The following NPAS3 variants were observed in gnomAD, a reference collection of about 807,000 sequenced individuals.
NPAS3 encodes neuronal PAS domain-containing protein 3.
In NPAS3, 14 loss-of-function variants were observed where a neutral mutation model predicts 73.1. That is an observed-to-expected ratio of 0.19 (90% CI 0.13 to 0.30). The LOEUF is 0.30. Among genes scored for constraint, NPAS3 ranks in the 10% least tolerant of loss-of-function variants. NPAS3 has a pLI of 1.00. For synonymous variants in NPAS3, 620 were observed against 541.5 expected, an observed-to-expected ratio of 1.14 and a Z score of -2.01; for missense variants, 1,096 against 1,250.0, an observed-to-expected ratio of 0.88 and a Z score of 1.86.
At chr14:33,578,319 G>A (rs945791882) in intron 5 of NPAS3, 2 of 433,364 alleles carry the variant, frequency 4.6e-6, no homozygotes, top group African/African-American at 2.0e-5. Flanking sequence ...TCAGCCTCCT[G>A]AGTAGCTGGA....
intron 11 of NPAS3, 61 bp downstream of exon 11, chr14:33,797,642 G>A (rs1196431358): frequency 1.9e-6 from 3 of 1,569,232 alleles, no homozygotes; most frequent in East Asian, 4.5e-5. Flanking sequence ...CAGGGGGTGG[G>A]CAACAGCCAG....
In NPAS3 at chr14:33,136,062, T is replaced by C. The variant is rs549470443; in HGVS notation, c.141-79120T>C. On this transcript the variant is annotated intron_variant, in intron 2 of 11. Transcript: ENST00000356141. ...TGTGCAATAACTACCTTTTTTCTTT[T>C]TTTTTTTTTTTTTTTTGAGACAGAG... Among the ~76,000 whole-genome samples the C allele has an allele frequency of 1.9e-3, 266 of 137,382 alleles. 1 individual carries two copies. Among genetic ancestry groups the C allele is most frequent in the African/African-American group, 6.8e-3 (212 of 31,120 alleles). 90.1% of individuals were successfully genotyped at this position (137,382 alleles called of 152,430 possible). A position where few individuals can be genotyped will look rare whatever the true frequency, so the allele number is the denominator to read the frequency against.
At chr14:33,584,286 T>G (rs1201157267) in intron 5 of NPAS3, among the ~76,000 whole-genome samples, 1 of 152,118 alleles carries the variant, frequency 6.6e-6, no homozygotes, top group African/African-American at 2.4e-5. Context: ...TCCTAACATT[T>G]TATGCATTTG....
intron 2 of NPAS3, among the ~76,000 whole-genome samples, chr14:33,147,310 A>G (rs2044269907): frequency 6.6e-6 from 1 of 152,204 alleles, no homozygotes; most frequent in South Asian, 2.1e-4. Context: ...ACTGTTCTTT[A>G]CAGGTCACTT....
At chr14:33,656,983 A>T (rs1051249188) in intron 5 of NPAS3, among the ~76,000 whole-genome samples, 5 of 152,204 alleles carry the variant, frequency 3.3e-5, no homozygotes, top group Non-Finnish European at 5.9e-5. Context: ...CTAAGGGTTC[A>T]TCAGTAGATG....
chr14:33,402,709 T>C (rs1425509789), intron 4 of NPAS3, among the ~76,000 whole-genome samples: 1 of 152,186 alleles, frequency 6.6e-6, no homozygotes, highest in African/African-American at 2.4e-5. Context: ...CATCACCCTA[T>C]AGTTCTTATT....
Position 33,578,154 on chromosome 14 carries a change from C to T in NPAS3, c.558+17944C>T, listed in dbSNP as rs1016692282. ...TCTAAACCTACTCTTACTTTGCCTC[C>T]TTCTCTCTTCAGAAGCCAGATGAAC... On this transcript the variant is annotated intron_variant, in intron 5 of 11. Coordinates refer to ENST00000356141, the Ensembl canonical transcript of NPAS3. 6.6e-6 allele frequency: 3 copies of T among 456,024 alleles called. No individual in the cohort carries two copies. In the East Asian group the frequency reaches 2.1e-4, roughly 32 times the overall value. 28.2% of individuals were successfully genotyped at this position (456,024 alleles called of 1,614,324 possible).
At chr14:32,956,757 G>T (rs2139185560) in intron 1 of NPAS3, among the ~76,000 whole-genome samples, 2 of 152,274 alleles carry the variant, frequency 1.3e-5, no homozygotes, top group Admixed American at 1.3e-4. Context: ...TAATGCACAG[G>T]TAAGGAAACA....
chr14:33,359,831 T>A (rs1422346759), intron 3 of NPAS3, among the ~76,000 whole-genome samples: 1 of 152,210 alleles, frequency 6.6e-6, no homozygotes, highest in Non-Finnish European at 1.5e-5. Flanking sequence ...TCTTTCTGTG[T>A]ACTGTGGGCT....
At chr14:32,935,600 G>A (rs1373012818), upstream of NPAS3, among the ~76,000 whole-genome samples, 5 of 152,200 alleles carry the variant, frequency 3.3e-5, no homozygotes, top group Non-Finnish European at 7.3e-5. Context: ...AAGATTCAGG[G>A]ATACAAGTTA....
intron 4 of NPAS3, among the ~76,000 whole-genome samples, chr14:33,479,220 T>C (rs978176676): frequency 6.6e-6 from 1 of 152,008 alleles, no homozygotes; most frequent in Non-Finnish European, 1.5e-5. Context: ...TTATGAAGAG[T>C]ATGCTTTTCC....
At chr14:33,557,941 C>G (rs566886533) in intron 4 of NPAS3, among the ~76,000 whole-genome samples, 21 of 152,100 alleles carry the variant, frequency 1.4e-4, no homozygotes, top group Non-Finnish European at 2.4e-4. Context: ...CGCACTCCAG[C>G]CTGGGTGACA....
chr14:33,650,192 G>A (rs2058950841), intron 5 of NPAS3, among the ~76,000 whole-genome samples: 2 of 152,210 alleles, frequency 1.3e-5, no homozygotes, highest in South Asian at 4.1e-4. Flanking sequence ...CTTGCGCATT[G>A]TAACAGCAGC....
rs374278138 is a variant in NPAS3 at position 33,103,663 on chromosome 14, G to A, written c.140+47669G>A. ...AGGTCAGTGCTACTCAGTCATAGAG[G>A]AGCAGCACTTTGGCTGTGTTGAGAG... On this transcript the variant is annotated intron_variant, in intron 2 of 11. Transcript: ENST00000356141. Among the ~76,000 whole-genome samples the A allele has an allele frequency of 2.6e-5, 4 of 152,148 alleles. No individual in the cohort carries two copies. The East Asian group carries it at 5.8e-4, about 22-fold the overall frequency.
chr14:33,476,210 TAA>T (rs1378541744), intron 4 of NPAS3, among the ~76,000 whole-genome samples: 2 of 152,226 alleles, frequency 1.3e-5, no homozygotes, highest in African/African-American at 4.8e-5. Context: ...CCATTCAACA[TAA>T]AGTTTGAACA....
At chr14:33,322,537 G>A (rs574150599) in intron 3 of NPAS3, among the ~76,000 whole-genome samples, 9 of 151,270 alleles carry the variant, frequency 5.9e-5, no homozygotes, top group Non-Finnish European at 1.3e-4. Context: ...TGTGTGTGAA[G>A]GTAAACATTG....
In NPAS3 at chr14:33,680,444, AT is replaced by A. The variant is rs572786875; in HGVS notation, c.733+4062del. Among the ~76,000 whole-genome samples, 168 of 152,230 alleles carry A rather than the reference AT, an allele frequency of 1.1e-3. 1 individual carries two copies. In the South Asian group the frequency reaches 0.013, roughly 11 times the overall value. On this transcript the variant is annotated intron_variant, in intron 6 of 11. Transcript: ENST00000356141. ...ATATATGCACTACGTACCCTCCTAG[AT>A]TTAGTTTCTGTTCCTGTTCCTGTGT...
chr14:33,158,932 G>A (rs868687098), intron 2 of NPAS3, among the ~76,000 whole-genome samples: 2 of 152,270 alleles, frequency 1.3e-5, no homozygotes, highest in Admixed American at 1.3e-4. Context: ...AGAGGCTAAG[G>A]TGGGTAGATC....
chr14:33,162,151 C>T (rs1054579172), intron 2 of NPAS3, among the ~76,000 whole-genome samples: 4 of 152,218 alleles, frequency 2.6e-5, no homozygotes, highest in African/African-American at 9.6e-5. Context: ...CTTATACGGT[C>T]ATCTGTGTTG....
Sources: gnomAD v4.1 joint callset for allele counts (sites outside exome capture counted in the v4.1 genomes callset) on GRCh38, gnomAD v4.1.1 for gene constraint, MANE v1.5 for transcripts, NCBI Gene and HGNC (gene_info 2026-07-23, HGNC 2026-07-21) for gene names.